MACROD2: variants seen among roughly 807,000 people sequenced by gnomAD.
The protein encoded by MACROD2 is mono-ADP ribosylhydrolase 2.
MACROD2 carries 36 observed loss-of-function variants against 70.4 expected under a neutral mutation model. The ratio of observed to expected loss-of-function variants is 0.51; its 90% CI spans 0.39 to 0.68. The LOEUF (loss-of-function observed/expected upper bound fraction) is 0.68, where lower values mean the gene tolerates loss of function less well. MACROD2 is among the 30% of genes least tolerant of loss of function. MACROD2 has a pLI of 0.00. For synonymous variants in MACROD2, 172 were observed against 178.8 expected (o/e 0.96, Z 0.30); for missense variants, 496 against 538.4 (o/e 0.92, Z 0.78).
chr20:15,505,181 C>T (rs1281114924), intron 8 of MACROD2, among the ~76,000 whole-genome samples: 2 of 152,170 alleles, frequency 1.3e-5, no homozygotes, highest in Non-Finnish European at 2.9e-5. Flanking sequence ...TATTGTGAGA[C>T]ATTTCCAAGT....
chr20:14,907,662 G>A (rs1279778290), intron 5 of MACROD2, among the ~76,000 whole-genome samples: 1 of 152,284 alleles, frequency 6.6e-6, no homozygotes, highest in East Asian at 1.9e-4. Flanking sequence ...AGACAAAGAA[G>A]GAAGTTAGGA....
intron 8 of MACROD2, among the ~76,000 whole-genome samples, chr20:15,721,658 A>G (rs2050789334): frequency 6.6e-6 from 1 of 152,196 alleles, no homozygotes; most frequent in African/African-American, 2.4e-5. Flanking sequence ...GAATGATTTT[A>G]TAACACATAT....
intron 4 of MACROD2, among the ~76,000 whole-genome samples, chr20:14,616,999 A>C (rs953572551): frequency 3.3e-5 from 5 of 152,122 alleles, no homozygotes. Flanking sequence ...TTTGCAAAGA[A>C]ATTTCAATTT....
intron 10 of MACROD2, among the ~76,000 whole-genome samples, chr20:15,926,581 G>GT: frequency 6.6e-6 from 1 of 152,332 alleles, no homozygotes; most frequent in East Asian, 1.9e-4. Context: ...GATGGAGTGT[G>GT]TGAGGGTGGG....
At chr20:14,931,258 T>C (rs1020623297) in intron 5 of MACROD2, among the ~76,000 whole-genome samples, 1 of 152,136 alleles carries the variant, frequency 6.6e-6, no homozygotes, top group Non-Finnish European at 1.5e-5. Flanking sequence ...AAGACTTATA[T>C]ACAGAGCATT....
rs560483643 is a variant in MACROD2, at chr20:14,934,319, A to G, written c.418+249360A>G. ...AGACACATAATAAAGCAACAGAAGA[A>G]GGCCACATTCTCGTTAAGTGAGAGC... On this transcript the variant is annotated intron_variant, in intron 5 of 17. Coordinates refer to ENST00000684519, the MANE Select transcript of MACROD2 (RefSeq NM_001351661.2). Among the ~76,000 whole-genome samples, 50 of 152,334 alleles carry G rather than the reference A, an allele frequency of 3.3e-4. 1 individual carries two copies. The South Asian group carries it at 5.0e-3, about 15-fold the overall frequency.
chr20:14,758,708 G>A (rs1408573888), intron 5 of MACROD2, among the ~76,000 whole-genome samples: 1 of 152,068 alleles, frequency 6.6e-6, no homozygotes, highest in Non-Finnish European at 1.5e-5. Context: ...GAGTCTCACT[G>A]TGGATCCTAT....
intron 2 of MACROD2, among the ~76,000 whole-genome samples, chr20:14,046,720 TTTA>T (rs2053481890): frequency 3.3e-5 from 2 of 59,834 alleles, no homozygotes; most frequent in African/African-American, 8.9e-5. Flanking sequence ...TTCTCTTTTA[TTTA>T]TTTATTTATT....
chr20:15,299,916 T>C (rs1340515409), intron 6 of MACROD2, among the ~76,000 whole-genome samples: 1 of 152,222 alleles, frequency 6.6e-6, no homozygotes, highest in Non-Finnish European at 1.5e-5. Context: ...CTCATTCTAC[T>C]GAGAAGAGAG....
intron 5 of MACROD2, among the ~76,000 whole-genome samples, chr20:14,748,276 T>C (rs896323634): frequency 6.6e-6 from 1 of 152,128 alleles, no homozygotes; most frequent in Non-Finnish European, 1.5e-5. Flanking sequence ...CATATTTTGC[T>C]GCTGCTTTTC....
chr20:15,447,632 G>C (rs920076830), intron 7 of MACROD2, among the ~76,000 whole-genome samples: 1 of 152,144 alleles, frequency 6.6e-6, no homozygotes, highest in Non-Finnish European at 1.5e-5. Flanking sequence ...GTGAAGTCCA[G>C]TGTCCAATCG....
At chr20:14,774,124 T>A (rs1378457010) in intron 5 of MACROD2, among the ~76,000 whole-genome samples, 1 of 152,072 alleles carries the variant, frequency 6.6e-6, no homozygotes, top group Non-Finnish European at 1.5e-5. Flanking sequence ...AGGAATAGCC[T>A]TTAAAGACCT....
rs572370394 is a variant in MACROD2 at position 14,800,175 on chromosome 20, G to A, written c.418+115216G>A. Among the ~76,000 whole-genome samples, 2 of 151,618 alleles carry A rather than the reference G, an allele frequency of 1.3e-5. 1 individual carries two copies. The highest frequency in any genetic ancestry group is 3.9e-4 in the East Asian group (2 of 5,136). On this transcript the variant is annotated intron_variant, in intron 5 of 17. Coordinates refer to ENST00000684519, the MANE Select transcript of MACROD2 (RefSeq NM_001351661.2). ...TTTTTTTTTTTCCTGCTCCATTTTAGGTAAGTTAGTCATCTTGCACAAGAA... is the reference window on the plus strand; with the variant it reads ...TTTTTTTTTTTCCTGCTCCATTTTAAGTAAGTTAGTCATCTTGCACAAGAA...
intron 3 of MACROD2, among the ~76,000 whole-genome samples, chr20:14,190,172 G>A (rs1345296962): frequency 3.9e-5 from 6 of 152,052 alleles, no homozygotes; most frequent in African/African-American, 1.4e-4. Context: ...ACTTCTTTAG[G>A]CTCTAATTCT....
chr20:14,309,301 A>G (rs887696081), intron 3 of MACROD2, among the ~76,000 whole-genome samples: 1 of 152,184 alleles, frequency 6.6e-6, no homozygotes, highest in Non-Finnish European at 1.5e-5. Flanking sequence ...TAATTTCCTT[A>G]AATGGAGGAA....
chr20:14,684,648 A>ACCC (rs11467642), intron 4 of MACROD2, among the ~76,000 whole-genome samples, 195 bp from the exon 5 acceptor site: 1 of 134,846 alleles, frequency 7.4e-6, no homozygotes, highest in South Asian at 2.4e-4. Context: ...ACATAACCTC[A>ACCC]CCCCCCCCCC....
intron 5 of MACROD2, among the ~76,000 whole-genome samples, chr20:15,206,987 C>A (rs1042363876): frequency 6.6e-6 from 1 of 151,810 alleles, no homozygotes; most frequent in Non-Finnish European, 1.5e-5. Flanking sequence ...CCACCCGCCT[C>A]GGCCTCCCAA....
chr20:14,371,266 C>G (rs939786216), intron 3 of MACROD2, among the ~76,000 whole-genome samples: 1 of 152,082 alleles, frequency 6.6e-6, no homozygotes, highest in African/African-American at 2.4e-5. Flanking sequence ...GGGAGGATCA[C>G]TTGAGGCCAG....
At chr20:15,868,173 A>G (rs1188448245) in intron 9 of MACROD2, among the ~76,000 whole-genome samples, 5 of 152,138 alleles carry the variant, frequency 3.3e-5, no homozygotes, top group African/African-American at 1.2e-4. Flanking sequence ...GTTATTTTAC[A>G]GTGTTTCGAC....
Sources: gnomAD v4.1 joint callset for allele counts (sites outside exome capture counted in the v4.1 genomes callset) on GRCh38, gnomAD v4.1.1 for gene constraint, MANE v1.5 for transcripts, NCBI Gene and HGNC (gene_info 2026-07-23, HGNC 2026-07-21) for gene names.